The following EBF1 variants were observed in gnomAD, a reference collection of about 807,000 sequenced individuals.
EBF1 encodes the protein transcription factor COE1.
In EBF1, 10 loss-of-function variants were observed where a neutral mutation model predicts 68.4. The ratio of observed to expected loss-of-function variants is 0.15; its 90% CI spans 0.09 to 0.25. The LOEUF is 0.25. Ranked by LOEUF, EBF1 falls within the 10% of genes least tolerant of loss-of-function variation. EBF1 has a pLI of 1.00. For synonymous variants in EBF1, 298 were observed against 299.8 expected (o/e 0.99, Z 0.06); for missense variants, 509 against 794.4 (o/e 0.64, Z 4.32).
chr5:158,805,356 C>T (rs190976198), intron 8 of EBF1, among the ~76,000 whole-genome samples: 2 of 152,112 alleles, frequency 1.3e-5, no homozygotes, highest in Admixed American at 6.5e-5. Context: ...ATGTGTGTGC[C>T]GGATTATCCA....
chr5:159,087,434 A>ATG (rs1174142131), intron 4 of EBF1, among the ~76,000 whole-genome samples: 1 of 149,306 alleles, frequency 6.7e-6, no homozygotes, highest in Non-Finnish European at 1.5e-5. Context: ...ATACACACAT[A>ATG]TATATACATA....
intron 6 of EBF1, among the ~76,000 whole-genome samples, chr5:159,038,175 C>T (rs1477993640): frequency 6.6e-6 from 1 of 152,166 alleles, no homozygotes; most frequent in Non-Finnish European, 1.5e-5. Flanking sequence ...AAACTCACGG[C>T]CCACCATCAC....
chr5:158,819,628 C>T (rs764892225), intron 8 of EBF1, among the ~76,000 whole-genome samples: 4 of 152,190 alleles, frequency 2.6e-5, no homozygotes, highest in Non-Finnish European at 5.9e-5. Context: ...CACAGGGTAG[C>T]GCTGAACATA....
chr5:158,944,920 GT>G (rs1321346208), intron 6 of EBF1, among the ~76,000 whole-genome samples: 1 of 152,024 alleles, frequency 6.6e-6, no homozygotes, highest in Non-Finnish European at 1.5e-5. Context: ...GGGGTTGTTG[GT>G]TTTTTTCTCT....
chr5:158,999,858 T>C (rs1762178538), intron 6 of EBF1, among the ~76,000 whole-genome samples: 1 of 152,214 alleles, frequency 6.6e-6, no homozygotes, highest in Non-Finnish European at 1.5e-5. Context: ...TCCAACTCTT[T>C]TCCTACTGTT....
intron 9 of EBF1, among the ~76,000 whole-genome samples, chr5:158,779,600 G>A (rs772811798): frequency 2.6e-5 from 4 of 152,126 alleles, no homozygotes; most frequent in Non-Finnish European, 4.4e-5. Flanking sequence ...GGGATATAGA[G>A]TACCATTAAC....
At chr5:159,025,052 T>C (rs143764850) in intron 6 of EBF1, among the ~76,000 whole-genome samples, 2 of 152,180 alleles carry the variant, frequency 1.3e-5, no homozygotes, top group Non-Finnish European at 2.9e-5. Flanking sequence ...AATACACAAA[T>C]GTACAGAATA....
intron 6 of EBF1, among the ~76,000 whole-genome samples, chr5:159,003,266 C>G (rs1399252278): frequency 6.6e-6 from 1 of 152,208 alleles, no homozygotes; most frequent in African/African-American, 2.4e-5. Context: ...ACAAAAACAT[C>G]CCCATACATA....
intron 6 of EBF1, among the ~76,000 whole-genome samples, chr5:158,912,634 G>T (rs1562283160): frequency 1.3e-5 from 2 of 152,154 alleles, no homozygotes; most frequent in South Asian, 2.1e-4. Flanking sequence ...TTGGAAAACA[G>T]ATGGGTCTCA....
chr5:158,824,246 TC>T (rs1481635109), intron 7 of EBF1, among the ~76,000 whole-genome samples: 1 of 152,198 alleles, frequency 6.6e-6, no homozygotes, highest in African/African-American at 2.4e-5. Context: ...ATCAGCCCGC[TC>T]CCGTTTAATC....
At chr5:159,032,508 G>A (rs1461913979) in intron 6 of EBF1, among the ~76,000 whole-genome samples, 1 of 152,170 alleles carries the variant, frequency 6.6e-6, no homozygotes, top group Non-Finnish European at 1.5e-5. Flanking sequence ...ATAAAACCGA[G>A]TGATTATTTC....
chr5:158,792,574 C>T (rs890801864), intron 9 of EBF1, among the ~76,000 whole-genome samples: 1 of 152,246 alleles, frequency 6.6e-6, no homozygotes, highest in South Asian at 2.1e-4. Context: ...TCCTAGCCTG[C>T]CAGCCTGCTT....
intron 10 of EBF1, 101 bp downstream of exon 10, chr5:158,777,312 A>G: frequency 7.8e-7 from 1 of 1,284,446 alleles, no homozygotes; most frequent in Non-Finnish European, 1.0e-6. Context: ...GGCTTTAACT[A>G]GATTTTAAAA....
At chr5:158,781,599 G>C (rs1035347314) in intron 9 of EBF1, among the ~76,000 whole-genome samples, 1 of 152,086 alleles carries the variant, frequency 6.6e-6, no homozygotes, top group Non-Finnish European at 1.5e-5. Flanking sequence ...TCTTGTTTCT[G>C]TGTCTCCTGT....
At chr5:158,755,785 G>C (rs527936112) in intron 10 of EBF1, among the ~76,000 whole-genome samples, 10 of 152,146 alleles carry the variant, frequency 6.6e-5, no homozygotes, top group South Asian at 2.1e-4. Flanking sequence ...ATAGGATTTG[G>C]GGAGAACCTC....
At chr5:158,801,495 A>G (rs1348563777) in intron 8 of EBF1, among the ~76,000 whole-genome samples, 1 of 152,050 alleles carries the variant, frequency 6.6e-6, no homozygotes, top group Non-Finnish European at 1.5e-5. Context: ...TGCTGAGAAA[A>G]CACGGACAAG....
At chr5:158,814,665 C>T (rs889735761) in intron 8 of EBF1, among the ~76,000 whole-genome samples, 5 of 152,156 alleles carry the variant, frequency 3.3e-5, no homozygotes, top group African/African-American at 1.2e-4. Flanking sequence ...ATCATCTCAT[C>T]ATTTTCTCAT....
intron 6 of EBF1, among the ~76,000 whole-genome samples, chr5:158,937,413 G>T (rs1476563861): frequency 6.6e-6 from 1 of 152,128 alleles, no homozygotes; most frequent in Non-Finnish European, 1.5e-5. Flanking sequence ...AAAGAGAACA[G>T]CAGCAGGAGC....
chr5:158,847,978 C>T (rs1291109455), intron 6 of EBF1, among the ~76,000 whole-genome samples: 1 of 152,172 alleles, frequency 6.6e-6, no homozygotes, highest in Non-Finnish European at 1.5e-5. Flanking sequence ...CAGCGACCCA[C>T]CCCACAAAGC....
Sources: allele counts gnomAD v4.1 joint callset (sites outside exome capture counted in the v4.1 genomes callset), GRCh38; gene constraint gnomAD v4.1.1; transcripts MANE v1.5; gene names NCBI Gene and HGNC (gene_info 2026-07-23, HGNC 2026-07-21).